CCNH: variants seen among roughly 807,000 people sequenced by gnomAD.
CCNH encodes cyclin-H.
CCNH carries 31 observed loss-of-function variants against 41.9 expected under a neutral mutation model. That is an observed-to-expected ratio of 0.74 (90% CI 0.56 to 1.00). The LOEUF is 1.00. CCNH is among the 50% of genes least tolerant of loss of function. The pLI is 0.00. For synonymous variants in CCNH, 138 were observed against 136.1 expected (o/e 1.01, Z -0.10); for missense variants, 362 against 388.4 (o/e 0.93, Z 0.57).
At chr5:87,316,033 A>C (rs915246475), downstream of CCNH, among the ~76,000 whole-genome samples, 1 of 152,242 alleles carries the variant, frequency 6.6e-6, no homozygotes, top group Admixed American at 6.5e-5. Flanking sequence ...TAAAATCTGT[A>C]TACCAAATAA....
chr5:87,392,521 A>G, downstream of CCNH: 2 of 364,598 alleles, frequency 5.5e-6, no homozygotes, highest in South Asian at 4.2e-5. Context: ...TTGGACCAAC[A>G]TAGTATCCCA....
chr5:87,402,812 CCTTT>C (rs1763513171), intron 5 of CCNH, among the ~76,000 whole-genome samples: 1 of 152,062 alleles, frequency 6.6e-6, no homozygotes, highest in Admixed American at 6.5e-5. Context: ...TTGTCATCTT[CCTTT>C]ATTTTTACTC....
chr5:87,343,469 C>T (rs541161412), intron 9 of CCNH, among the ~76,000 whole-genome samples: 137 of 152,246 alleles, frequency 9.0e-4, no homozygotes, highest in Non-Finnish European at 1.6e-3. Flanking sequence ...AAAAAATGCT[C>T]ACCATTCATT....
chr5:87,313,553 A>G (rs536169477), downstream of CCNH, among the ~76,000 whole-genome samples: 5 of 152,326 alleles, frequency 3.3e-5, no homozygotes, highest in Non-Finnish European at 5.9e-5. Context: ...GCCAGTGTCT[A>G]CTGTGTTCAA....
At chr5:87,313,853 G>A (rs1756109967), downstream of CCNH, among the ~76,000 whole-genome samples, 1 of 152,150 alleles carries the variant, frequency 6.6e-6, no homozygotes, top group Admixed American at 6.5e-5. Flanking sequence ...TAAAGGAGTA[G>A]TGTGATCAAA....
At chr5:87,362,985 CA>C (rs770260922) in intron 9 of CCNH, among the ~76,000 whole-genome samples, 9 of 151,084 alleles carry the variant, frequency 6.0e-5, no homozygotes, top group Admixed American at 1.3e-4. Flanking sequence ...CTCAATTTGA[CA>C]TAACGACATT....
chr5:87,379,761 T>C (rs2112498807), upstream of CCNH: 6 of 1,612,462 alleles, frequency 3.7e-6, no homozygotes, highest in East Asian at 9.0e-5. Flanking sequence ...TAGAAAAAAA[T>C]GAAGATGTGA....
At chr5:87,408,470 A>G (rs1020878983) in intron 3 of CCNH, among the ~76,000 whole-genome samples, 2 of 152,220 alleles carry the variant, frequency 1.3e-5, no homozygotes, top group African/African-American at 4.8e-5. Flanking sequence ...TACAACCTAA[A>G]TATCTGGAAA....
At chr5:87,315,736 C>T (rs538323869), downstream of CCNH, among the ~76,000 whole-genome samples, 4 of 152,156 alleles carry the variant, frequency 2.6e-5, no homozygotes, top group South Asian at 6.2e-4. Flanking sequence ...TAGCACCTTG[C>T]GAATAATAGT....
intron 9 of CCNH, among the ~76,000 whole-genome samples, chr5:87,341,124 T>G (rs553499498): frequency 6.6e-6 from 1 of 152,110 alleles, no homozygotes; most frequent in South Asian, 2.1e-4. Context: ...AAGAAAAGAT[T>G]AAGAGAGGTT....
At chr5:87,393,460 C>CACTT (rs569215262), downstream of CCNH, 14 of 152,138 alleles carry the variant, frequency 9.2e-5, no homozygotes, top group East Asian at 1.9e-4. Context: ...GGGAAACTGG[C>CACTT]ACTTAGAGGT....
intron 9 of CCNH, among the ~76,000 whole-genome samples, chr5:87,335,517 C>T (rs999408468): frequency 6.7e-6 from 1 of 149,290 alleles, no homozygotes; most frequent in Non-Finnish European, 1.5e-5. Context: ...CCTCCGCCAC[C>T]TGGGTTCAAG....
At chr5:87,394,784 A>G (rs1762789018) in intron 8 of CCNH, 14 of 1,343,250 alleles carry the variant, frequency 1.0e-5, no homozygotes, top group Non-Finnish European at 1.3e-5. Context: ...AGAATAAGAA[A>G]AAAAGCAAAA....
At chr5:87,348,050 A>G (rs1358624716) in intron 9 of CCNH, among the ~76,000 whole-genome samples, 1 of 152,014 alleles carries the variant, frequency 6.6e-6, no homozygotes, top group East Asian at 1.9e-4. Context: ...TCTTGCATGA[A>G]ATTCCTATCA....
upstream of CCNH, chr5:87,379,855 G>A: frequency 6.2e-7 from 1 of 1,611,692 alleles, no homozygotes; most frequent in Non-Finnish European, 8.5e-7. Flanking sequence ...TCCACCGTAA[G>A]TGGTGAAATT....
rs1189198550 is a variant in CCNH, at chr5:87,338,542, T to A, written c.*91-19645A>T. ...ATATATATATATATATAAAATTTTT[T>A]TTTTTTTTAAGTAGAAATGGGGTTT... is the stretch of plus-strand genomic sequence containing the variant. On this transcript the variant is annotated intron_variant and NMD_transcript_variant, in intron 9 of 9. Coordinates refer to the CCNH transcript ENST00000645953. 2.2e-3 allele frequency among the ~76,000 whole-genome samples: 299 copies of A among 137,328 alleles called. 14 individuals are homozygous for A. Among genetic ancestry groups the A allele is most frequent in the Admixed American group, 0.014 (192 of 13,614 alleles). 90.1% of individuals were successfully genotyped at this position (137,328 alleles called of 152,430 possible).
chr5:87,338,536 A>ATTTTTTTTTTTT lies in CCNH; in HGVS notation c.*91-19651_*91-19640dup, dbSNP rs1232583853. Among the ~76,000 whole-genome samples, 519 of 85,160 alleles carry ATTTTTTTTTTTT rather than the reference A, an allele frequency of 6.1e-3. 13 individuals carry two copies. The highest frequency in any genetic ancestry group is 0.022 in the African/African-American group (505 of 22,570). 55.9% of individuals were successfully genotyped at this position (85,160 alleles called of 152,430 possible). On this transcript the variant is annotated intron_variant and NMD_transcript_variant, in intron 9 of 9. Transcript: ENST00000645953. Reference sequence around the variant, plus strand: ...ATATATATATATATATATATATAAAATTTTTTTTTTTTTTAAGTAGAAATG... The same window carrying ATTTTTTTTTTTT: ...ATATATATATATATATATATATAAAATTTTTTTTTTTTTTTTTTTTTTTTTTAAGTAGAAATG...
At chr5:87,363,944 TA>T (rs546121629) in intron 9 of CCNH, among the ~76,000 whole-genome samples, 1 of 151,920 alleles carries the variant, frequency 6.6e-6, no homozygotes, top group Non-Finnish European at 1.5e-5. Flanking sequence ...TATTTGAAAT[TA>T]AAAAAAATTC....
chr5:87,323,855 A>G (rs1159600615), intron 9 of CCNH, among the ~76,000 whole-genome samples: 1 of 152,044 alleles, frequency 6.6e-6, no homozygotes, highest in Non-Finnish European at 1.5e-5. Context: ...CAGGAAATGT[A>G]TGCTAAAATT....
Sources: allele counts gnomAD v4.1 joint callset (sites outside exome capture counted in the v4.1 genomes callset), GRCh38; gene constraint gnomAD v4.1.1; transcripts MANE v1.5; gene names NCBI Gene and HGNC (gene_info 2026-07-23, HGNC 2026-07-21).